The following GRID2 variants were observed in gnomAD, a reference collection of about 807,000 sequenced individuals.
The protein encoded by GRID2 is glutamate ionotropic receptor delta type subunit 2.
In GRID2, 33 loss-of-function variants were observed where a neutral mutation model predicts 114.8. The ratio of observed to expected loss-of-function variants is 0.29; its 90% CI spans 0.22 to 0.38. The LOEUF (loss-of-function observed/expected upper bound fraction) is 0.38. Ranked by LOEUF, GRID2 falls within the 10% of genes least tolerant of loss-of-function variation. GRID2 has a pLI of 1.00. For synonymous variants in GRID2, 505 were observed against 449.9 expected, an observed-to-expected ratio of 1.12 and a Z score of -1.55; for missense variants, 1,184 against 1,257.7, an observed-to-expected ratio of 0.94 and a Z score of 0.89.
chr4:93,037,939 A>G (rs184147368), intron 2 of GRID2, among the ~76,000 whole-genome samples: 27 of 152,268 alleles, frequency 1.8e-4, no homozygotes, highest in African/African-American at 6.5e-4. Context: ...TTGGTTCCAT[A>G]TGAAACCAAA....
chr4:92,486,723 C>G (rs939131997), intron 1 of GRID2, among the ~76,000 whole-genome samples: 17 of 151,828 alleles, frequency 1.1e-4, no homozygotes, highest in African/African-American at 4.1e-4. Context: ...ATAAGAAACT[C>G]TACAACTGAA....
intron 2 of GRID2, among the ~76,000 whole-genome samples, chr4:93,081,891 C>T (rs759809084): frequency 7.2e-5 from 11 of 152,120 alleles, no homozygotes; most frequent in African/African-American, 1.7e-4. Flanking sequence ...AGGTAGTCTG[C>T]GTTGCTAAGC....
At chr4:92,795,847 T>C (rs1369359984) in intron 2 of GRID2, among the ~76,000 whole-genome samples, 3 of 151,964 alleles carry the variant, frequency 2.0e-5, no homozygotes, top group East Asian at 1.9e-4. Flanking sequence ...TTATCTGATG[T>C]GGTGTCTATT....
At chr4:93,321,471 G>A (rs1227212865) in intron 8 of GRID2, among the ~76,000 whole-genome samples, 3 of 152,056 alleles carry the variant, frequency 2.0e-5, no homozygotes, top group Non-Finnish European at 2.9e-5. Context: ...TATTTTTAGG[G>A]AAGAGGATGT....
At chr4:92,871,503 C>A (rs1745276863) in intron 2 of GRID2, among the ~76,000 whole-genome samples, 1 of 151,864 alleles carries the variant, frequency 6.6e-6, no homozygotes, top group Non-Finnish European at 1.5e-5. Context: ...AGTTAGTTAC[C>A]AGAAGTTTAA....
intron 2 of GRID2, among the ~76,000 whole-genome samples, chr4:92,680,181 A>G (rs1733580222): frequency 6.6e-6 from 1 of 152,106 alleles, no homozygotes; most frequent in African/African-American, 2.4e-5. Flanking sequence ...CATTTTAGGG[A>G]AATCATTTAG....
At position 93,034,692 on chromosome 4, in the gene GRID2, C is replaced by G. The variant is rs939876242; in HGVS notation, c.245-50303C>G. Among the ~76,000 whole-genome samples the G allele has an allele frequency of 6.6e-5, 10 of 152,190 alleles. No homozygotes were observed. The East Asian group carries it at 1.2e-3, about 18-fold the overall frequency. On this transcript the variant is annotated intron_variant, in intron 2 of 15. Transcript: ENST00000282020. ...TCTTCCCTGGGCAAACTCTATTCCC[C>G]TGAATATCAAGGCACATAACTCACT...
At position 92,601,178 on chromosome 4, in the gene GRID2, A is replaced by G. The variant is rs1729200465; in HGVS notation, c.244+10892A>G. Among the ~76,000 whole-genome samples, 3 of 152,234 alleles carry G rather than the reference A, an allele frequency of 2.0e-5. No homozygotes were observed. The South Asian group carries it at 6.2e-4, about 31-fold the overall frequency. On this transcript the variant is annotated intron_variant, in intron 2 of 15. Transcript: ENST00000282020. ...TCTAGACAGGATCTGCCACAGATCA[A>G]GTGGACCTGATAGATATCAATAGAA...
chr4:93,299,337 G>A (rs1754622943), intron 8 of GRID2, among the ~76,000 whole-genome samples: 1 of 152,050 alleles, frequency 6.6e-6, no homozygotes, highest in Admixed American at 6.6e-5. Context: ...CAAGAAGTAG[G>A]GAGGAGACTT....
At position 92,590,161 on chromosome 4, in the gene GRID2, A is replaced by T; in HGVS notation, c.119A>T (p.Asp40Val). ...GAIFDESAKKDDEVFRTAVGD... is the reference protein window; with the variant it reads ...GAIFDESAKKVDEVFRTAVGD... ...ATTTTTGATGAATCTGCCAAAAAGG[A>T]TGATGAGGTATTTCGCACTGCGGTT... Residue 40 changes from aspartate (D) to valine (V), a missense_variant, in exon 2 of 16, where the codon GAT becomes GTT. Asp to Val is a radical substitution (Grantham distance 152). Transcript: ENST00000282020. 6.2e-7 allele frequency: 1 copy of T among 1,612,370 alleles called. No individual in the cohort carries two copies.
At chr4:92,683,034 TCA>T (rs1161623909) in intron 2 of GRID2, among the ~76,000 whole-genome samples, 1 of 152,132 alleles carries the variant, frequency 6.6e-6, no homozygotes, top group Non-Finnish European at 1.5e-5. Flanking sequence ...GTGCGGTGGC[TCA>T]CACCTGTAAT....
intron 2 of GRID2, among the ~76,000 whole-genome samples, chr4:92,962,108 A>G (rs1161429310): frequency 6.6e-6 from 1 of 151,858 alleles, no homozygotes; most frequent in African/African-American, 2.4e-5. Flanking sequence ...TAGCATATAA[A>G]CTGTAGCTTT....
At chr4:93,099,758 T>A (rs1731542746) in intron 3 of GRID2, among the ~76,000 whole-genome samples, 1 of 151,938 alleles carries the variant, frequency 6.6e-6, no homozygotes, top group African/African-American at 2.4e-5. Flanking sequence ...TATCACTCTT[T>A]ACTTACAATT....
At position 92,539,937 on chromosome 4, in the gene GRID2, C is replaced by G. The variant is rs571404083; in HGVS notation, c.89-50194C>G. Among the ~76,000 whole-genome samples the G allele has an allele frequency of 2.9e-4, 44 of 152,140 alleles. No homozygotes were observed. In the South Asian group the frequency reaches 8.9e-3, roughly 31 times the overall value. ...TAACCAAAACAGCATGGTACTGGTA[C>G]CAAAACAGAGGTATAGACCAATGGA... On this transcript the variant is annotated intron_variant, in intron 1 of 15. Coordinates refer to ENST00000282020, the MANE Select transcript of GRID2 (RefSeq NM_001510.4).
In GRID2 at chr4:93,703,824, C is replaced by T. The variant is rs549843852; in HGVS notation, c.2361-65386C>T. On this transcript the variant is annotated intron_variant, in intron 14 of 15. Coordinates refer to ENST00000282020, the MANE Select transcript of GRID2 (RefSeq NM_001510.4). ...TCCATGTCCCTACAAAGGACATGAG[C>T]TCATCCTTATTTATGGCTGCATAGT... 9.9e-5 allele frequency among the ~76,000 whole-genome samples: 15 copies of T among 152,198 alleles called. No homozygotes were observed. In the East Asian group the frequency reaches 2.9e-3, roughly 29 times the overall value.
chr4:93,387,338 T>C (rs1764417211), intron 8 of GRID2, among the ~76,000 whole-genome samples: 1 of 152,196 alleles, frequency 6.6e-6, no homozygotes, highest in Non-Finnish European at 1.5e-5. Context: ...AGTTAGGTAA[T>C]ATCATTATTC....
At chr4:92,468,435 C>T (rs1229787619) in intron 1 of GRID2, among the ~76,000 whole-genome samples, 3 of 152,020 alleles carry the variant, frequency 2.0e-5, no homozygotes, top group Non-Finnish European at 4.4e-5. Context: ...TAAATAATTA[C>T]TTCAAATTAC....
chr4:92,446,930 G>A (rs62312220), intron 1 of GRID2, among the ~76,000 whole-genome samples: 24,456 of 152,136 alleles, frequency 0.16, 2,073 homozygotes, highest in Middle Eastern at 0.22. Flanking sequence ...TTTGGATTCT[G>A]TCCAACAGAT....
At chr4:92,444,230 C>T (rs1733307976) in intron 1 of GRID2, among the ~76,000 whole-genome samples, 1 of 152,120 alleles carries the variant, frequency 6.6e-6, no homozygotes, top group South Asian at 2.1e-4. Flanking sequence ...GAAGAGACCA[C>T]CAAACAGGCT....
Sources: gnomAD v4.1 joint callset for allele counts (sites outside exome capture counted in the v4.1 genomes callset) on GRCh38, gnomAD v4.1.1 for gene constraint, MANE v1.5 for transcripts, NCBI Gene and HGNC (gene_info 2026-07-23, HGNC 2026-07-21) for gene names.